The following NHS variants were observed in gnomAD, a reference collection of about 807,000 sequenced individuals.
NHS encodes the protein NHS actin remodeling regulator.
In NHS, 5 loss-of-function variants were observed where a neutral mutation model predicts 72.5. That is an observed-to-expected ratio of 0.07 (90% CI 0.04 to 0.14). The LOEUF (loss-of-function observed/expected upper bound fraction) is 0.14. Ranked by LOEUF, NHS falls within the 10% of genes least tolerant of loss-of-function variation. The pLI, the probability that NHS is intolerant of heterozygous loss-of-function variation, is 1.00. For synonymous variants in NHS, 464 were observed against 547.7 expected, an observed-to-expected ratio of 0.85 and a Z score of 2.13; for missense variants, 1,072 against 1,355.7, an observed-to-expected ratio of 0.79 and a Z score of 3.29.
At chrX:17,407,352 A>G (rs2064533981) in intron 1 of NHS, among the ~76,000 whole-genome samples, 1 of 111,024 alleles carries the variant, frequency 9.0e-6, no homozygotes, top group African/African-American at 3.3e-5. Flanking sequence ...TGATTTTCCT[A>G]ATAGTAATAA....
chrX:17,506,509 C>T (rs1448075430), intron 1 of NHS, among the ~76,000 whole-genome samples: 6 of 105,907 alleles, frequency 5.7e-5, no homozygotes, highest in African/African-American at 1.0e-4. Flanking sequence ...CCAGCCTGGG[C>T]GATAGAGTGA....
chrX:17,666,686 G>C (rs185079597), intron 1 of NHS, among the ~76,000 whole-genome samples: 1 of 112,685 alleles, frequency 8.9e-6, no homozygotes, highest in Non-Finnish European at 1.9e-5. Flanking sequence ...GAGCAGGCAG[G>C]ATAAAAAACT....
Position 17,726,001 on chromosome X carries a change from G to C in NHS, c.1895G>C (p.Gly632Ala), listed in dbSNP as rs753396218. Reference sequence around the variant, plus strand: ...AAAGATGACCACCAGTCATCCAGTGGCAACTGGAGTGGGAGCAGCTCCACG... The same window carrying C: ...AAAGATGACCACCAGTCATCCAGTGCCAACTGGAGTGGGAGCAGCTCCACG... ...DQKDDHQSSSGNWSGSSSTCP... is the reference protein window; with the variant it reads ...DQKDDHQSSSANWSGSSSTCP... The change falls in exon 7 of 9, where the codon GGC becomes GCC. Residue 632 changes from glycine to alanine, a missense_variant. Coordinates refer to ENST00000676302, the MANE Select transcript of NHS (RefSeq NM_001291867.2). 2 of 1,209,616 alleles carry C rather than the reference G, an allele frequency of 1.7e-6. No individual in the cohort carries two copies. The highest frequency in any genetic ancestry group is 3.5e-5 in the African/African-American group (2 of 57,021).
chrX:17,717,244 G>A (rs2066370080), intron 3 of NHS, among the ~76,000 whole-genome samples: 1 of 112,613 alleles, frequency 8.9e-6, no homozygotes, highest in Non-Finnish European at 1.9e-5. Context: ...TGGAATTACA[G>A]GCATGGGCCA....
Position 17,395,713 on chromosome X carries a change from A to G in NHS, c.565+19391A>G, listed in dbSNP as rs553102027. ...GGTGGGCATAAGGGTAATTTTAGAC[A>G]CTACTGATGGAACAATAAATTAGTA... is the stretch of plus-strand genomic sequence containing the variant. On this transcript the variant is annotated intron_variant, in intron 1 of 8. Transcript: ENST00000676302. Among the ~76,000 whole-genome samples, 6 of 112,444 alleles carry G rather than the reference A, an allele frequency of 5.3e-5. No individual in the cohort carries two copies. In the South Asian group the frequency reaches 1.8e-3, roughly 35 times the overall value.
rs186612041 is a variant in NHS, at chrX:17,630,549, C to G, written c.566-57193C>G. Among the ~76,000 whole-genome samples the G allele has an allele frequency of 2.1e-3, 229 of 110,223 alleles. 1 individual carries two copies. The Middle Eastern group carries it at 0.033, about 16-fold the overall frequency. ...ACTTGCTGTTGGCCAAATGCAAGCC[C>G]CATCAACCATCTCACCTCCAGGTGA... On this transcript the variant is annotated intron_variant, in intron 1 of 8. Coordinates refer to ENST00000676302, the MANE Select transcript of NHS (RefSeq NM_001291867.2).
chrX:17,411,114 C>T (rs2146858992), intron 1 of NHS, among the ~76,000 whole-genome samples: 1 of 112,088 alleles, frequency 8.9e-6, no homozygotes, highest in East Asian at 2.8e-4. Context: ...ATGTTTTCAA[C>T]GTGGTTTCAA....
At chrX:17,516,561 ACACACACGCG>A (rs1256966876) in intron 1 of NHS, among the ~76,000 whole-genome samples, 19 of 89,916 alleles carry the variant, frequency 2.1e-4, no homozygotes, top group African/African-American at 6.3e-4. Context: ...CTTACAACAC[ACACACACGCG>A]CACACACACA....
At chrX:17,544,950 G>A (rs989453915) in intron 1 of NHS, among the ~76,000 whole-genome samples, 1 of 112,919 alleles carries the variant, frequency 8.9e-6, no homozygotes, top group Admixed American at 9.3e-5. Flanking sequence ...GCAGGAGCTA[G>A]TCAGTTTGGT....
chrX:17,528,440 A>C (rs2065183195), intron 1 of NHS: 2 of 112,137 alleles, frequency 1.8e-5, no homozygotes, highest in African/African-American at 6.5e-5. Context: ...CAGAAGGAGA[A>C]AATTTTTCCT....
chrX:17,377,477 A>C (rs1277651675), intron 1 of NHS, among the ~76,000 whole-genome samples: 1 of 113,021 alleles, frequency 8.8e-6, no homozygotes. Context: ...AGCGGCTCTG[A>C]CTTACGTAAG....
chrX:17,667,052 C>T (rs972864266), intron 1 of NHS, among the ~76,000 whole-genome samples: 4 of 112,538 alleles, frequency 3.6e-5, no homozygotes, highest in African/African-American at 1.3e-4. Context: ...TTTGTTATTG[C>T]TTCCAGCCTG....
At chrX:17,621,872 G>A (rs187590937) in intron 1 of NHS, among the ~76,000 whole-genome samples, 1 of 111,737 alleles carries the variant, frequency 8.9e-6, no homozygotes, top group African/African-American at 3.3e-5. Context: ...TTCCTCATCC[G>A]TAAAATGAGG....
At position 17,718,736 on chromosome X, in the gene NHS, G is replaced by A. The variant is rs755969492; in HGVS notation, c.853-608G>A. Among the ~76,000 whole-genome samples the A allele has an allele frequency of 1.9e-4, 17 of 90,183 alleles. No homozygotes were observed. In the South Asian group the frequency reaches 0.011, roughly 60 times the overall value. 78.3% of individuals were successfully genotyped at this position (90,183 alleles called of 115,157 possible). On this transcript the variant is annotated intron_variant, in intron 3 of 8. Transcript: ENST00000676302. ...AAGGAGGGAGAGAGGGAAGGAAGAA[G>A]GAAGGAAAGAGGGAGGGAAGAAGGA... is the stretch of plus-strand genomic sequence containing the variant.
At chrX:17,532,732 C>G (rs185661623) in intron 1 of NHS, among the ~76,000 whole-genome samples, 33 of 111,340 alleles carry the variant, frequency 3.0e-4, no homozygotes, top group Admixed American at 2.3e-3. Context: ...GGCATATAAT[C>G]AGGGCTAAAG....
intron 1 of NHS, among the ~76,000 whole-genome samples, chrX:17,509,589 G>A (rs2065076712): frequency 8.9e-6 from 1 of 111,764 alleles, no homozygotes; most frequent in African/African-American, 3.3e-5. Flanking sequence ...TTTTACCTAG[G>A]GTTTTCATTT....
chrX:17,410,265 G>T (rs903452538), intron 1 of NHS, among the ~76,000 whole-genome samples: 8 of 111,042 alleles, frequency 7.2e-5, no homozygotes, highest in African/African-American at 2.0e-4. Context: ...TTCTGAAAAT[G>T]ATACCACCCT....
rs766817143 is a variant in NHS, at chrX:17,619,563, C to T, written c.566-68179C>T. Among the ~76,000 whole-genome samples the T allele has an allele frequency of 2.1e-3, 235 of 111,997 alleles. 3 individuals are homozygous for T. The highest frequency in any genetic ancestry group is 7.1e-3 in the African/African-American group (218 of 30,627). ...TCGTGAAAATGCATAACCAATGAGC[C>T]ATGTGGCTCTTTGATCACCATGTCC... On this transcript the variant is annotated intron_variant, in intron 1 of 8. Coordinates refer to ENST00000676302, the MANE Select transcript of NHS (RefSeq NM_001291867.2).
At chrX:17,468,934 A>G (rs182448788) in intron 1 of NHS, among the ~76,000 whole-genome samples, 208 of 111,837 alleles carry the variant, frequency 1.9e-3, no homozygotes, top group African/African-American at 5.7e-3. Flanking sequence ...GGTGAGTTTT[A>G]CCAACGAATA....
Sources: gnomAD v4.1 joint callset for allele counts (sites outside exome capture counted in the v4.1 genomes callset) on GRCh38, gnomAD v4.1.1 for gene constraint, MANE v1.5 for transcripts, NCBI Gene and HGNC (gene_info 2026-07-23, HGNC 2026-07-21) for gene names.